PICALM: variants seen among roughly 807,000 people sequenced by gnomAD.
The protein encoded by PICALM is phosphatidylinositol-binding clathrin assembly protein.
A neutral mutation model predicts 80.5 loss-of-function variants in PICALM; 40 were observed. The ratio of observed to expected loss-of-function variants is 0.50; its 90% confidence interval spans 0.39 to 0.65. The LOEUF (loss-of-function observed/expected upper bound fraction) is 0.65. PICALM is among the 30% of genes least tolerant of loss of function. PICALM has a pLI of 0.00. For synonymous variants in PICALM, 288 were observed against 260.3 expected, an observed-to-expected ratio of 1.11 and a Z score of -1.02; for missense variants, 676 against 778.9, an observed-to-expected ratio of 0.87 and a Z score of 1.57.
chr11:86,024,285 CAT>C (rs2095613959), intron 3 of PICALM, among the ~76,000 whole-genome samples: 1 of 151,796 alleles, frequency 6.6e-6, no homozygotes, highest in Non-Finnish European at 1.5e-5. Flanking sequence ...ATGGGTCCTA[CAT>C]ATAGATTACT....
chr11:85,990,226 A>G (rs1354668025), intron 13 of PICALM, 24 bp downstream of exon 13: 3 of 1,488,296 alleles, frequency 2.0e-6, no homozygotes, highest in Non-Finnish European at 2.8e-6. Context: ...ATTGATTGGA[A>G]AAAAAGGTTA....
At chr11:86,021,612 G>C (rs2136493700) in intron 4 of PICALM, among the ~76,000 whole-genome samples, 1 of 152,086 alleles carries the variant, frequency 6.6e-6, no homozygotes, top group African/African-American at 2.4e-5. Flanking sequence ...CAACTGCTTT[G>C]AAAAATGATT....
chr11:86,015,468 T>C (rs2095467043), intron 4 of PICALM, among the ~76,000 whole-genome samples: 1 of 152,218 alleles, frequency 6.6e-6, no homozygotes, highest in African/African-American at 2.4e-5. Context: ...TCAGAAATTA[T>C]AACTAAAACT....
At chr11:86,017,523 T>A (rs1592962908) in intron 4 of PICALM, among the ~76,000 whole-genome samples, 1 of 152,226 alleles carries the variant, frequency 6.6e-6, no homozygotes, top group East Asian at 1.9e-4. Context: ...TTGTTATGTG[T>A]TAAGCACTAC....
At chr11:86,000,953 A>C in intron 10 of PICALM, 82 bp downstream of exon 10, 1 of 1,537,562 alleles carries the variant, frequency 6.5e-7, no homozygotes, top group Non-Finnish European at 8.8e-7. Context: ...TACATTTAAG[A>C]CTCTAAGTCT....
intron 7 of PICALM, 93 bp from the exon 8 acceptor site, chr11:86,007,676 T>A (rs985815807): frequency 1.0e-4 from 42 of 413,514 alleles, no homozygotes; most frequent in Admixed American, 6.7e-4. Context: ...ACCAGTAATA[T>A]TTTAAACAGA....
chr11:85,966,329 C>A (rs1391605173), intron 19 of PICALM, among the ~76,000 whole-genome samples: 1 of 152,126 alleles, frequency 6.6e-6, no homozygotes, highest in African/African-American at 2.4e-5. Flanking sequence ...ACTTTAGCCT[C>A]CAAAAGTGTT....
rs150788133 is a variant in PICALM, at chr11:86,063,092, C to T, written c.130+5559G>A. On this transcript the variant is annotated intron_variant, in intron 1 of 19. Coordinates refer to ENST00000393346, the MANE Select transcript of PICALM (RefSeq NM_007166.4). Reference sequence around the variant, plus strand: ...AACAAAGGAGAAACAACTATGTCTACGGTGAACTTTCACATTAACTATTCT... The same window carrying T: ...AACAAAGGAGAAACAACTATGTCTATGGTGAACTTTCACATTAACTATTCT... 3.2e-3 allele frequency among the ~76,000 whole-genome samples: 484 copies of T among 152,236 alleles called. 4 individuals carry two copies. Among genetic ancestry groups the T allele is most frequent in the South Asian group, 0.011 (51 of 4,826 alleles).
chr11:86,028,466 T>C (rs1418658876), intron 2 of PICALM, among the ~76,000 whole-genome samples: 1 of 152,246 alleles, frequency 6.6e-6, no homozygotes, highest in Non-Finnish European at 1.5e-5. Context: ...TACTTTATAA[T>C]AAATCCATGC....
In PICALM at chr11:86,000,619, G is replaced by T. The variant is rs775392289; in HGVS notation, c.1154+24C>A. 6 of 1,592,498 alleles carry T rather than the reference G, an allele frequency of 3.8e-6. No homozygotes were observed. In the Admixed American group the frequency reaches 1.1e-4, roughly 28 times the overall value. The stretch of plus-strand genomic sequence containing the variant: ...AAGTCTTTGAACCTACATATTCAAA[G>T]GTAACCTTAACTTCTACTCCTACCT... On this transcript the variant is annotated intron_variant, in intron 11 of 19. Coordinates refer to ENST00000393346, the MANE Select transcript of PICALM (RefSeq NM_007166.4).
chr11:86,035,240 G>A (rs2095820513), intron 1 of PICALM, among the ~76,000 whole-genome samples: 2 of 151,886 alleles, frequency 1.3e-5, no homozygotes, highest in African/African-American at 4.8e-5. Flanking sequence ...CCACCAGGCA[G>A]AGTTCACCAA....
chr11:85,972,914 A>G (rs1366471091), intron 19 of PICALM, among the ~76,000 whole-genome samples: 1 of 152,210 alleles, frequency 6.6e-6, no homozygotes, highest in Non-Finnish European at 1.5e-5. Context: ...AAGATTATCA[A>G]GTTAAACCAG....
At chr11:86,032,176 CCTT>C (rs914325133) in intron 1 of PICALM, among the ~76,000 whole-genome samples, 3 of 152,144 alleles carry the variant, frequency 2.0e-5, no homozygotes, top group African/African-American at 7.2e-5. Flanking sequence ...GATTTATACT[CCTT>C]CTCTCCCCTC....
intron 17 of PICALM, among the ~76,000 whole-genome samples, chr11:85,980,462 T>C (rs1465322692): frequency 1.3e-5 from 2 of 152,202 alleles, no homozygotes; most frequent in South Asian, 4.1e-4. Context: ...TATATGCATA[T>C]ATTTCCCCCA....
chr11:85,973,414 C>T (rs2094172379), intron 19 of PICALM, among the ~76,000 whole-genome samples: 1 of 152,126 alleles, frequency 6.6e-6, no homozygotes. Context: ...TAAGATAGTT[C>T]AAGAGAAAGA....
chr11:86,038,057 C>A (rs564541736), intron 1 of PICALM, among the ~76,000 whole-genome samples: 1 of 152,188 alleles, frequency 6.6e-6, no homozygotes, highest in Non-Finnish European at 1.5e-5. Context: ...TGGAGGCTTA[C>A]GCCTATAATC....
chr11:85,974,981 T>A (rs1271019780), intron 18 of PICALM, among the ~76,000 whole-genome samples, 169 bp from the exon 19 acceptor site: 1 of 152,220 alleles, frequency 6.6e-6, no homozygotes, highest in East Asian at 1.9e-4. Flanking sequence ...CGAGAGTATT[T>A]TTTTTTCTTT....
At chr11:85,961,593 A>G (rs1461087764) in intron 19 of PICALM, among the ~76,000 whole-genome samples, 1 of 152,232 alleles carries the variant, frequency 6.6e-6, no homozygotes, top group Non-Finnish European at 1.5e-5. Context: ...TCATACATGT[A>G]TCCTTCATTA....
rs1389338711 is a variant in PICALM at position 85,996,833 on chromosome 11, T to C, written c.1251A>G (p.Thr417=). 3 of 1,582,742 alleles carry C rather than the reference T, an allele frequency of 1.9e-6. No individual in the cohort carries two copies. Among genetic ancestry groups the C allele is most frequent in the Non-Finnish European group, 1.7e-6 (2 of 1,152,120 alleles). The change falls in exon 12 of 20, where the codon ACA becomes ACG. Residue 417 remains threonine (T), a synonymous_variant. Coordinates refer to ENST00000393346, the MANE Select transcript of PICALM (RefSeq NM_007166.4). The part of the protein sequence containing the change: ...PMSTASQVAS[T]WGDPFSATVD... Reference sequence around the variant, plus strand: ...GAATTCATCAATGCTTACCTCCCCATGTACTTGCTACCTGAGAAGCAGTTG... The same window carrying C: ...GAATTCATCAATGCTTACCTCCCCACGTACTTGCTACCTGAGAAGCAGTTG...
Sources: gnomAD v4.1 joint callset for allele counts (sites outside exome capture counted in the v4.1 genomes callset) on GRCh38, gnomAD v4.1.1 for gene constraint, MANE v1.5 for transcripts, NCBI Gene and HGNC (gene_info 2026-07-23, HGNC 2026-07-21) for gene names.